PALS2: variants seen among roughly 807,000 people sequenced by gnomAD.
The protein encoded by PALS2 is protein associated with LIN7 2, MAGUK p55 family member.
PALS2 carries 27 observed loss-of-function variants against 61.6 expected under a neutral mutation model. The ratio of observed to expected loss-of-function variants is 0.44; its 90% confidence interval spans 0.32 to 0.60. The LOEUF (loss-of-function observed/expected upper bound fraction) is 0.60, where lower values mean the gene tolerates loss of function less well. Ranked by LOEUF, PALS2 falls within the 20% of genes least tolerant of loss-of-function variation. The pLI is 0.05. For synonymous variants in PALS2, 236 were observed against 218.6 expected, an observed-to-expected ratio of 1.08 and a Z score of -0.70; for missense variants, 554 against 639.4, an observed-to-expected ratio of 0.87 and a Z score of 1.44.
At chr7:24,660,476 A>AT (rs1199284073) in intron 5 of PALS2, among the ~76,000 whole-genome samples, 2 of 151,596 alleles carry the variant, frequency 1.3e-5, no homozygotes, top group Non-Finnish European at 2.9e-5. Flanking sequence ...TCTGAACCTT[A>AT]TTTTTTTTCA....
intron 9 of PALS2, among the ~76,000 whole-genome samples, chr7:24,677,560 T>G (rs1254330662): frequency 6.6e-6 from 1 of 152,054 alleles, no homozygotes; most frequent in Non-Finnish European, 1.5e-5. Flanking sequence ...ATACCTAATT[T>G]ATTGAGAGTT....
intron 1 of PALS2, among the ~76,000 whole-genome samples, chr7:24,607,563 A>G (rs563640257): frequency 1.4e-5 from 2 of 146,566 alleles, no homozygotes; most frequent in African/African-American, 5.2e-5. Flanking sequence ...GTATGTGTAT[A>G]TATACATATA....
intron 9 of PALS2, among the ~76,000 whole-genome samples, chr7:24,670,532 A>G (rs1220074285): frequency 6.6e-6 from 1 of 152,086 alleles, no homozygotes; most frequent in East Asian, 1.9e-4. Flanking sequence ...GCTGGGGTAC[A>G]TCCTCTTGTA....
At chr7:24,661,065 T>C (rs1182281957) in intron 5 of PALS2, among the ~76,000 whole-genome samples, 2 of 152,168 alleles carry the variant, frequency 1.3e-5, no homozygotes, top group Non-Finnish European at 2.9e-5. Flanking sequence ...GAATATGAAA[T>C]AGAAATATTT....
At chr7:24,587,612 A>C (rs1270766759) in intron 1 of PALS2, among the ~76,000 whole-genome samples, 2 of 151,628 alleles carry the variant, frequency 1.3e-5, no homozygotes, top group Admixed American at 1.3e-4. Flanking sequence ...CCTGGTCTCA[A>C]GCCATCCTCC....
chr7:24,649,655 A>G lies in PALS2; in HGVS notation c.314A>G (p.Asp105Gly). The G allele has an allele frequency of 6.2e-7, 1 of 1,612,046 alleles. No homozygotes were observed. The highest frequency in any genetic ancestry group is 8.5e-7 in the Non-Finnish European group (1 of 1,179,100). ...GATATTGTGGCATCAAAGTGTTATG[A>G]TTCACCTCCATCAAGCCCAGAAATG... is the stretch of plus-strand genomic sequence containing the variant. The part of the protein sequence containing the change: ...AHDIVASKCY[D>G]SPPSSPEMNN... The change falls in exon 4 of 12, where the codon GAT (aspartate) becomes GGT (glycine). Residue 105 changes from aspartate to glycine, a missense_variant. Coordinates refer to ENST00000222644, the MANE Select transcript of PALS2 (RefSeq NM_001303037.2).
chr7:24,591,111 C>T (rs77093164), intron 1 of PALS2, among the ~76,000 whole-genome samples: 8,942 of 151,902 alleles, frequency 0.059, 299 homozygotes, highest in African/African-American at 0.079. Context: ...TTCAGTGGGA[C>T]CTCAGGAGGG....
intron 9 of PALS2, among the ~76,000 whole-genome samples, chr7:24,678,890 G>C (rs551463740): frequency 4.3e-4 from 66 of 152,242 alleles, no homozygotes; most frequent in Non-Finnish European, 5.7e-4. Context: ...AGTCCATACA[G>C]TCTGTCACAA....
intron 1 of PALS2, among the ~76,000 whole-genome samples, chr7:24,598,365 TTTAG>T (rs1394563639): frequency 6.6e-6 from 1 of 152,208 alleles, no homozygotes; most frequent in Non-Finnish European, 1.5e-5. Context: ...CAGCTCAGTC[TTTAG>T]TTGTTAGAAG....
At chr7:24,579,281 A>G (rs371777122) in intron 1 of PALS2, among the ~76,000 whole-genome samples, 12 of 152,358 alleles carry the variant, frequency 7.9e-5, no homozygotes, top group East Asian at 5.8e-4. Context: ...TGAAGAGGCT[A>G]TTAGTTAACA....
At chr7:24,684,581 A>G (rs1285427259) in intron 11 of PALS2, among the ~76,000 whole-genome samples, 1 of 152,214 alleles carries the variant, frequency 6.6e-6, no homozygotes, top group Non-Finnish European at 1.5e-5. Flanking sequence ...GATAGCATTT[A>G]AAGATAATTC....
chr7:24,629,084 C>G (rs1784876073), intron 2 of PALS2, among the ~76,000 whole-genome samples: 1 of 152,170 alleles, frequency 6.6e-6, no homozygotes, highest in African/African-American at 2.4e-5. Flanking sequence ...TACCTGACTT[C>G]AAACTATACT....
intron 5 of PALS2, among the ~76,000 whole-genome samples, chr7:24,656,586 A>C (rs907950891): frequency 4.6e-5 from 7 of 152,074 alleles, no homozygotes; most frequent in Non-Finnish European, 8.8e-5. Context: ...CAGTGACATG[A>C]TCACAGCTCA....
At chr7:24,635,610 T>G (rs1184573391) in intron 2 of PALS2, among the ~76,000 whole-genome samples, 2 of 152,196 alleles carry the variant, frequency 1.3e-5, no homozygotes, top group African/African-American at 4.8e-5. Flanking sequence ...AGTGGACATC[T>G]TTGTCTTGTT....
At position 24,665,680 on chromosome 7, in the gene PALS2, C is replaced by G. The variant is rs1786978458; in HGVS notation, c.876C>G (p.Asp292Glu). ...AGGCATTTGTTAGAAGAGACTGGGA[C>G]AATTCAGGTGATGAGCTCGACACAA... ...KRKAFVRRDWDNSGPFCGTIS... is the reference protein window; with the variant it reads ...KRKAFVRRDWENSGPFCGTIS... Residue 292 changes from aspartate (D) to glutamate (E), a missense_variant, in exon 7 of 12, where the codon GAC becomes GAG. Asp to Glu is a conservative substitution (Grantham distance 45, BLOSUM62 2). Coordinates refer to ENST00000222644, the MANE Select transcript of PALS2 (RefSeq NM_001303037.2). 6.2e-7 allele frequency: 1 copy of G among 1,613,046 alleles called. No homozygotes were observed. The highest frequency in any genetic ancestry group is 1.3e-5 in the African/African-American group (1 of 74,886).
At chr7:24,608,508 T>A (rs1249350955) in intron 1 of PALS2, among the ~76,000 whole-genome samples, 2 of 152,216 alleles carry the variant, frequency 1.3e-5, no homozygotes, top group African/African-American at 4.8e-5. Flanking sequence ...CTCATATTTG[T>A]CATCTTTGTT....
chr7:24,616,733 C>G (rs1452163140), intron 1 of PALS2, among the ~76,000 whole-genome samples: 3 of 152,098 alleles, frequency 2.0e-5, no homozygotes, highest in Non-Finnish European at 1.5e-5. Context: ...AAAAATATCC[C>G]TTGTTTCTTA....
At chr7:24,574,530 G>T (rs1486887232) in intron 1 of PALS2, among the ~76,000 whole-genome samples, 4 of 152,028 alleles carry the variant, frequency 2.6e-5, no homozygotes, top group Non-Finnish European at 5.9e-5. Context: ...TGTGTAGGGG[G>T]TGGGGGTGAA....
intron 4 of PALS2, among the ~76,000 whole-genome samples, chr7:24,650,262 C>T (rs1322079618): frequency 6.6e-6 from 1 of 152,024 alleles, no homozygotes; most frequent in African/African-American, 2.4e-5. Flanking sequence ...CCTGCTCTCT[C>T]GAGTTTCCAT....
Sources: gnomAD v4.1 joint callset for allele counts (sites outside exome capture counted in the v4.1 genomes callset) on GRCh38, gnomAD v4.1.1 for gene constraint, MANE v1.5 for transcripts, NCBI Gene and HGNC (gene_info 2026-07-23, HGNC 2026-07-21) for gene names.